The following COLEC12 variants were observed in gnomAD, a reference collection of about 807,000 sequenced individuals.
COLEC12 encodes the protein collectin subfamily member 12, also known as collectin-12.
In COLEC12, 33 loss-of-function variants were observed where a neutral mutation model predicts 71.1. The ratio of observed to expected loss-of-function variants is 0.46; its 90% CI spans 0.35 to 0.62. COLEC12 has a LOEUF of 0.62. Among genes scored for constraint, COLEC12 ranks in the 20% least tolerant of loss-of-function variants. COLEC12 has a pLI of 0.00. For synonymous variants in COLEC12, 350 were observed against 353.0 expected (o/e 0.99, Z 0.10); for missense variants, 765 against 916.1 (o/e 0.84, Z 2.13).
intron 5 of COLEC12, among the ~76,000 whole-genome samples, chr18:336,541 G>A (rs944495539): frequency 6.6e-6 from 1 of 152,166 alleles, no homozygotes; most frequent in African/African-American, 2.4e-5. Flanking sequence ...ACTGTATAGT[G>A]AATGACAATT....
chr18:429,993 C>T (rs1181830103), intron 2 of COLEC12, among the ~76,000 whole-genome samples: 1 of 152,158 alleles, frequency 6.6e-6, no homozygotes, highest in Non-Finnish European at 1.5e-5. Flanking sequence ...AGTTCTGCAT[C>T]GCCAGCTCCC....
chr18:426,361 C>G (rs1916198916), intron 2 of COLEC12, among the ~76,000 whole-genome samples: 1 of 152,154 alleles, frequency 6.6e-6, no homozygotes, highest in Non-Finnish European at 1.5e-5. Context: ...TATGAGGTCT[C>G]TGCATGTTTT....
intron 2 of COLEC12, among the ~76,000 whole-genome samples, chr18:394,860 G>A (rs1414794466): frequency 1.3e-5 from 2 of 152,164 alleles, no homozygotes; most frequent in African/African-American, 4.8e-5. Flanking sequence ...TACAAATAAT[G>A]AGAAGCTTCT....
intron 2 of COLEC12, among the ~76,000 whole-genome samples, chr18:420,972 T>C (rs554030058): frequency 6.6e-6 from 1 of 152,276 alleles, no homozygotes; most frequent in South Asian, 2.1e-4. Flanking sequence ...GGACCACATC[T>C]ATAGTTTAGA....
Position 495,445 on chromosome 18 carries a change from AG to A in COLEC12, c.7+5062del, listed in dbSNP as rs201155527. Reference sequence around the variant, plus strand: ...GCAAACCTGTTAGCAAGACGAGTGTAGGGGCCGTTTTCAGAGTTGGTGGCTA... The same window carrying A: ...GCAAACCTGTTAGCAAGACGAGTGTAGGGCCGTTTTCAGAGTTGGTGGCTA... On this transcript the variant is annotated intron_variant, in intron 1 of 9. Transcript: ENST00000400256. 8.6e-4 allele frequency among the ~76,000 whole-genome samples: 131 copies of A among 152,334 alleles called. 3 individuals carry two copies. The East Asian group carries it at 0.021, about 25-fold the overall frequency.
Position 389,012 on chromosome 18 carries a change from G to A in COLEC12, c.59-31490C>T, listed in dbSNP as rs56954953. Among the ~76,000 whole-genome samples the A allele has an allele frequency of 8.3e-3, 1,266 of 152,172 alleles. 21 individuals are homozygous for A. The highest frequency in any genetic ancestry group is 0.028 in the African/African-American group (1,181 of 41,508). Reference sequence around the variant, plus strand: ...TACATCAGGTGTGGGAAGGAAAGCAGCCCAGTTACATTATTCACAATTCAG... The same window carrying A: ...TACATCAGGTGTGGGAAGGAAAGCAACCCAGTTACATTATTCACAATTCAG... On this transcript the variant is annotated intron_variant, in intron 2 of 9. Coordinates refer to ENST00000400256, the MANE Select transcript of COLEC12 (RefSeq NM_130386.3).
chr18:348,967 G>C (rs115439537), intron 3 of COLEC12, among the ~76,000 whole-genome samples: 1,684 of 152,224 alleles, frequency 0.011, 32 homozygotes, highest in African/African-American at 0.038. Flanking sequence ...TTGAATAATG[G>C]GGGTGGTTTC....
chr18:400,342 C>T (rs1203131796), intron 2 of COLEC12, among the ~76,000 whole-genome samples: 1 of 152,100 alleles, frequency 6.6e-6, no homozygotes, highest in Non-Finnish European at 1.5e-5. Context: ...GTAATATATA[C>T]TTAAACATAT....
At chr18:428,995 G>A (rs1916249589) in intron 2 of COLEC12, among the ~76,000 whole-genome samples, 1 of 152,150 alleles carries the variant, frequency 6.6e-6, no homozygotes, top group African/African-American at 2.4e-5. Context: ...ACCATTTTGG[G>A]GGTAATCATA....
chr18:367,010 T>G (rs1914869767), intron 2 of COLEC12, among the ~76,000 whole-genome samples: 1 of 152,216 alleles, frequency 6.6e-6, no homozygotes, highest in African/African-American at 2.4e-5. Flanking sequence ...ATGCAAAACA[T>G]GCCTTCAGAC....
chr18:475,005 C>T (rs574385381), intron 2 of COLEC12, among the ~76,000 whole-genome samples: 14 of 151,948 alleles, frequency 9.2e-5, no homozygotes, highest in African/African-American at 3.1e-4. Context: ...ACCCGGGAGG[C>T]GGAGGTTGCA....
chr18:319,724 A>G lies in COLEC12; in HGVS notation c.*321T>C, dbSNP rs1257589268. On this transcript the variant is annotated 3_prime_UTR_variant, in exon 10 of 10. Transcript: ENST00000400256. ...AGTTCTTCCCATAACTCAACGACCAATGATAACCTTTTTCTGATTGGAGTG... is the reference window on the plus strand; with the variant it reads ...AGTTCTTCCCATAACTCAACGACCAGTGATAACCTTTTTCTGATTGGAGTG... The G allele has an allele frequency of 3.0e-5, 11 of 362,156 alleles. No individual in the cohort carries two copies. Among genetic ancestry groups the G allele is most frequent in the Non-Finnish European group, 4.5e-5 (9 of 200,492 alleles). The allele number at this position is 362,156 out of a possible 1,614,324, so 22.4% of individuals were successfully genotyped here.
At chr18:339,758 G>C (rs908255702) in intron 5 of COLEC12, among the ~76,000 whole-genome samples, 1 of 152,118 alleles carries the variant, frequency 6.6e-6, no homozygotes, top group Admixed American at 6.5e-5. Flanking sequence ...GTGTCTTATA[G>C]ATCAGGAGAT....
chr18:477,922 T>G lies in COLEC12; in HGVS notation c.58+2785A>C, dbSNP rs993852246. Among the ~76,000 whole-genome samples, 113 of 152,324 alleles carry G rather than the reference T, an allele frequency of 7.4e-4. 1 individual carries two copies. Among genetic ancestry groups the G allele is most frequent in the Non-Finnish European group, 1.8e-4 (12 of 68,026 alleles). ...TATCAACCTGCTGCATGGAAGGGAC[T>G]TGGTCTTCCTTCAATGGTTAAAGTT... is the stretch of plus-strand genomic sequence containing the variant. On this transcript the variant is annotated intron_variant, in intron 2 of 9. Transcript: ENST00000400256.
chr18:369,928 G>A (rs893563776), intron 2 of COLEC12, among the ~76,000 whole-genome samples: 5 of 152,098 alleles, frequency 3.3e-5, no homozygotes, highest in South Asian at 2.1e-4. Flanking sequence ...AATCACCACC[G>A]AGGAAAGGAT....
In COLEC12 at chr18:318,535, G is replaced by A. The variant is rs1360918244; in HGVS notation, c.*1510C>T. On this transcript the variant is annotated 3_prime_UTR_variant, in exon 10 of 10. Coordinates refer to ENST00000400256, the MANE Select transcript of COLEC12 (RefSeq NM_130386.3). Reference sequence around the variant, plus strand: ...TGAGATGGAGTCTTGCTCTGTCACCGAGGCTGGAGTGCAGTGGTGCGATCT... The same window carrying A: ...TGAGATGGAGTCTTGCTCTGTCACCAAGGCTGGAGTGCAGTGGTGCGATCT... 5 of 116,416 alleles carry A rather than the reference G, an allele frequency of 4.3e-5. No homozygotes were observed. Among genetic ancestry groups the A allele is most frequent in the Admixed American group, 1.2e-4 (1 of 8,444 alleles). 7.2% of individuals were successfully genotyped at this position (116,416 alleles called of 1,614,324 possible).
At chr18:485,639 A>G (rs1333535693) in intron 1 of COLEC12, among the ~76,000 whole-genome samples, 1 of 152,240 alleles carries the variant, frequency 6.6e-6, no homozygotes, top group African/African-American at 2.4e-5. Context: ...ATTTTATGAC[A>G]GAGAATGTTG....
intron 2 of COLEC12, among the ~76,000 whole-genome samples, chr18:442,732 C>T (rs1055835533): frequency 1.3e-5 from 2 of 152,250 alleles, no homozygotes; most frequent in African/African-American, 2.4e-5. Context: ...GAGGCCAAGG[C>T]AGGCGGATCA....
chr18:428,859 A>T (rs1421571082), intron 2 of COLEC12, among the ~76,000 whole-genome samples: 1 of 152,208 alleles, frequency 6.6e-6, no homozygotes, highest in Non-Finnish European at 1.5e-5. Context: ...CTCAAGAGCA[A>T]ATTTTCTAAG....
Sources: allele counts gnomAD v4.1 joint callset (sites outside exome capture counted in the v4.1 genomes callset), GRCh38; gene constraint gnomAD v4.1.1; transcripts MANE v1.5; gene names NCBI Gene and HGNC (gene_info 2026-07-23, HGNC 2026-07-21).